Variants in LCORL observed in about 807,000 individuals in gnomAD.
LCORL encodes ligand dependent nuclear receptor corepressor like.
In LCORL, 41 loss-of-function variants were observed where a neutral mutation model predicts 141.8. That is an observed-to-expected ratio of 0.29 (90% CI 0.23 to 0.38). The LOEUF (loss-of-function observed/expected upper bound fraction) is 0.38. Ranked by LOEUF, LCORL falls within the 10% of genes least tolerant of loss-of-function variation. The probability of loss-of-function intolerance (pLI) is 1.00; values close to 1 mark genes in which losing one functional copy is unlikely to be tolerated. For missense variants in LCORL, 1,759 were observed against 2,035.0 expected (o/e 0.86, Z 2.61); for synonymous variants, 618 against 694.1 (o/e 0.89, Z 1.72).
chr4:17,959,354 C>T (rs1192331439), intron 4 of LCORL, among the ~76,000 whole-genome samples: 1 of 152,060 alleles, frequency 6.6e-6, no homozygotes, highest in Non-Finnish European at 1.5e-5. Context: ...GCTCCTCACA[C>T]AGAACACTGT....
rs537657996 is a variant in LCORL at position 17,883,383 on chromosome 4, A to C, written c.776+2685T>G. The stretch of plus-strand genomic sequence containing the variant: ...GGTCTTTCACCAATAAAAATGTTTC[A>C]CTTGACAATTACTCGTTTTCCCACA... On this transcript the variant is annotated intron_variant, in intron 6 of 7. Transcript: ENST00000635767. 3 of 1,041,580 alleles carry C rather than the reference A, an allele frequency of 2.9e-6. No individual in the cohort carries two copies. In the South Asian group the frequency reaches 1.3e-4, roughly 46 times the overall value. 64.5% of individuals were successfully genotyped at this position (1,041,580 alleles called of 1,614,324 possible).
chr4:17,893,167 A>G (rs555715155), intron 5 of LCORL: 1 of 157,956 alleles, frequency 6.3e-6, no homozygotes, highest in African/African-American at 2.4e-5. Context: ...CCACCTCAGT[A>G]TCTTCTTCTG....
At chr4:17,942,520 A>G (rs1470897705) in intron 4 of LCORL, among the ~76,000 whole-genome samples, 2 of 152,180 alleles carry the variant, frequency 1.3e-5, no homozygotes, top group Non-Finnish European at 2.9e-5. Flanking sequence ...ACAAATTACT[A>G]TTAGTATTAA....
intron 1 of LCORL, among the ~76,000 whole-genome samples, chr4:18,014,188 A>T (rs1724261657): frequency 6.6e-6 from 1 of 152,168 alleles, no homozygotes; most frequent in South Asian, 2.1e-4. Flanking sequence ...CAATGTGGAT[A>T]AAAAAGGACA....
intron 1 of LCORL, among the ~76,000 whole-genome samples, chr4:17,999,253 A>C (rs1213052670): frequency 1.3e-5 from 2 of 151,548 alleles, no homozygotes; most frequent in African/African-American, 2.4e-5. Context: ...GGAGATGGAG[A>C]CCAGCCTGGT....
At chr4:17,995,353 A>G (rs1208354830) in intron 1 of LCORL, among the ~76,000 whole-genome samples, 1 of 152,100 alleles carries the variant, frequency 6.6e-6, no homozygotes, top group Non-Finnish European at 1.5e-5. Flanking sequence ...CCAAACACAA[A>G]CATATAAATG....
rs1304794395 is a variant in LCORL at position 17,887,630 on chromosome 4, T to C, written c.683-1469A>G. On this transcript the variant is annotated intron_variant, in intron 5 of 7. Transcript: ENST00000635767. Reference sequence around the variant, plus strand: ...GAGTGAGCTGAGATCAGAAATGTTATAGGAAGAGGTTAAACAGGGCCATTG... The same window carrying C: ...GAGTGAGCTGAGATCAGAAATGTTACAGGAAGAGGTTAAACAGGGCCATTG... Among the ~76,000 whole-genome samples, 6 of 152,252 alleles carry C rather than the reference T, an allele frequency of 3.9e-5. No homozygotes were observed. In the East Asian group the frequency reaches 7.7e-4, roughly 20 times the overall value.
chr4:17,933,562 T>G (rs1736388328), intron 4 of LCORL, among the ~76,000 whole-genome samples: 2 of 152,118 alleles, frequency 1.3e-5, no homozygotes, highest in Non-Finnish European at 2.9e-5. Flanking sequence ...TATTTCTTTT[T>G]GAATGCCTGG....
chr4:17,934,558 T>C (rs1577467231), intron 4 of LCORL, among the ~76,000 whole-genome samples: 1 of 152,164 alleles, frequency 6.6e-6, no homozygotes, highest in Admixed American at 6.5e-5. Context: ...ATACATGCTT[T>C]AGAGATGCTA....
At chr4:17,865,070 C>T (rs576328331) in intron 7 of LCORL, among the ~76,000 whole-genome samples, 2 of 152,228 alleles carry the variant, frequency 1.3e-5, no homozygotes, top group South Asian at 2.1e-4. Context: ...ATTTTGATAT[C>T]CCCCTTTCAA....
chr4:17,959,085 AC>A (rs1482443131), intron 4 of LCORL, among the ~76,000 whole-genome samples: 2 of 152,054 alleles, frequency 1.3e-5, no homozygotes, highest in Non-Finnish European at 2.9e-5. Flanking sequence ...TTTAAGTAAT[AC>A]GCTTCTTCCA....
intron 1 of LCORL, among the ~76,000 whole-genome samples, chr4:17,991,327 G>A (rs778347496): frequency 3.3e-5 from 5 of 152,078 alleles, no homozygotes; most frequent in Non-Finnish European, 7.4e-5. Context: ...CTTTAAGGAA[G>A]GCGCCTCTAA....
chr4:17,888,171 A>G (rs1162588198), intron 5 of LCORL, among the ~76,000 whole-genome samples: 3 of 152,124 alleles, frequency 2.0e-5, no homozygotes, highest in East Asian at 1.9e-4. Context: ...CTGGCATACA[A>G]TAAGTATTCA....
chr4:17,918,785 G>GA (rs1247417515), intron 4 of LCORL, among the ~76,000 whole-genome samples: 1 of 151,860 alleles, frequency 6.6e-6, no homozygotes, highest in Admixed American at 6.6e-5. Flanking sequence ...GACAAAAGTA[G>GA]AAAAAATATT....
rs547320295 is a variant in LCORL, at chr4:18,013,994, G to A, written c.154+7604C>T. On this transcript the variant is annotated intron_variant, in intron 1 of 7. Transcript: ENST00000635767. ...AGCTAATTTTTGTATTTTTATTAGA[G>A]ATGGGGTTGTGTCATCTTGGCAAGG... 2.0e-5 allele frequency among the ~76,000 whole-genome samples: 3 copies of A among 152,148 alleles called. No individual in the cohort carries two copies. The South Asian group carries it at 6.2e-4, about 32-fold the overall frequency.
At chr4:17,939,067 A>G (rs1455418224) in intron 4 of LCORL, among the ~76,000 whole-genome samples, 1 of 152,232 alleles carries the variant, frequency 6.6e-6, no homozygotes, top group Non-Finnish European at 1.5e-5. Flanking sequence ...AATTTATAAC[A>G]AACACCTACA....
intron 5 of LCORL, among the ~76,000 whole-genome samples, chr4:17,902,476 T>C (rs1482153432): frequency 6.6e-6 from 1 of 152,142 alleles, no homozygotes. Context: ...AAAAACAAGA[T>C]AGACAATTTC....
Position 17,859,323 on chromosome 4 carries a change from C to A in LCORL, c.5603-13422G>T, listed in dbSNP as rs547114602. The stretch of plus-strand genomic sequence containing the variant: ...TTTGACTTACAGTATTTTCAACTTA[C>A]AAGGGTTTATTGGGAAGCAGCCCCA... On this transcript the variant is annotated intron_variant, in intron 7 of 7. Coordinates refer to ENST00000635767, the Ensembl canonical transcript of LCORL. Among the ~76,000 whole-genome samples, 3 of 152,178 alleles carry A rather than the reference C, an allele frequency of 2.0e-5. No homozygotes were observed. In the South Asian group the frequency reaches 6.2e-4, roughly 32 times the overall value.
chr4:17,843,137 C>T (rs1173594878), exon 8 of LCORL: 1 of 637,162 alleles, frequency 1.6e-6, no homozygotes, highest in Non-Finnish European at 2.6e-6. Flanking sequence ...ATAGCCAAGT[C>T]AGTGTTTTTT....
Sources: gnomAD v4.1 joint callset for allele counts (sites outside exome capture counted in the v4.1 genomes callset) on GRCh38, gnomAD v4.1.1 for gene constraint, MANE v1.5 for transcripts, NCBI Gene and HGNC (gene_info 2026-07-23, HGNC 2026-07-21) for gene names.